The following ADAMTS12 variants were observed in gnomAD, a reference collection of about 807,000 sequenced individuals.
The protein encoded by ADAMTS12 is ADAM metallopeptidase with thrombospondin type 1 motif 12.
In ADAMTS12, 118 loss-of-function variants were observed where a neutral mutation model predicts 167.8. The observed-to-expected ratio is 0.70, with a 90% CI of 0.61 to 0.82. The LOEUF is 0.82. Ranked by LOEUF, ADAMTS12 falls within the 40% of genes least tolerant of loss-of-function variation. The probability of loss-of-function intolerance (pLI) is 0.00; values close to 1 mark genes in which losing one functional copy is unlikely to be tolerated. For synonymous variants in ADAMTS12, 704 were observed against 716.9 expected, an observed-to-expected ratio of 0.98 and a Z score of 0.29; for missense variants, 1,916 against 1,998.8, an observed-to-expected ratio of 0.96 and a Z score of 0.79.
At chr5:33,643,754 C>T (rs1215593463) in intron 9 of ADAMTS12, among the ~76,000 whole-genome samples, 1 of 152,202 alleles carries the variant, frequency 6.6e-6, no homozygotes, top group Non-Finnish European at 1.5e-5. Flanking sequence ...ATGTTTGGCA[C>T]AATATCCAGC....
intron 2 of ADAMTS12, among the ~76,000 whole-genome samples, chr5:33,818,798 T>C (rs1747762226): frequency 6.6e-6 from 1 of 152,146 alleles, no homozygotes; most frequent in Non-Finnish European, 1.5e-5. Context: ...TGAGGTGATA[T>C]CTCATAGTGA....
In ADAMTS12 at chr5:33,649,781, A is replaced by G. The variant is rs535073212; in HGVS notation, c.1191-84T>C. 10 of 1,540,048 alleles carry G rather than the reference A, an allele frequency of 6.5e-6. No homozygotes were observed. In the African/African-American group the frequency reaches 1.2e-4, roughly 19 times the overall value. The stretch of plus-strand genomic sequence containing the variant: ...AAACCATAGTTTCCCTAAGAGCGTA[A>G]TAACTCACAGACAGCCACGTTTGTA... On this transcript the variant is annotated intron_variant, in intron 7 of 23. Transcript: ENST00000504830.
chr5:33,623,976 T>C (rs1247744785), intron 14 of ADAMTS12, among the ~76,000 whole-genome samples: 1 of 152,230 alleles, frequency 6.6e-6, no homozygotes, highest in Non-Finnish European at 1.5e-5. Flanking sequence ...TACCTGTTCC[T>C]GTGCACAACC....
Position 33,743,653 on chromosome 5 carries a change from A to G in ADAMTS12, c.634+7751T>C, listed in dbSNP as rs1744678916. Among the ~76,000 whole-genome samples, 3 of 152,254 alleles carry G rather than the reference A, an allele frequency of 2.0e-5. No homozygotes were observed. The South Asian group carries it at 6.2e-4, about 32-fold the overall frequency. On this transcript the variant is annotated intron_variant, in intron 3 of 23. Coordinates refer to ENST00000504830, the MANE Select transcript of ADAMTS12 (RefSeq NM_030955.4). Reference sequence around the variant, plus strand: ...TGTGAGTGTGGGAGCTCGCTGAGTAAATGAAATCACTTGCTTTCTTTTTCT... The same window carrying G: ...TGTGAGTGTGGGAGCTCGCTGAGTAGATGAAATCACTTGCTTTCTTTTTCT...
chr5:33,729,787 T>C (rs1744114227), intron 3 of ADAMTS12, among the ~76,000 whole-genome samples: 1 of 152,116 alleles, frequency 6.6e-6, no homozygotes, highest in African/African-American at 2.4e-5. Flanking sequence ...CCAAAGTTTC[T>C]CTCTAAATAA....
chr5:33,560,757 C>T (rs2111887025), intron 20 of ADAMTS12, among the ~76,000 whole-genome samples: 2 of 114,198 alleles, frequency 1.8e-5, no homozygotes, highest in South Asian at 2.9e-4. Flanking sequence ...ACATCACACA[C>T]CGGGGCCTGT....
rs549074748 is a variant in ADAMTS12 at position 33,671,808 on chromosome 5, C to G, written c.916-9768G>C. Among the ~76,000 whole-genome samples the G allele has an allele frequency of 2.1e-5, 3 of 146,264 alleles. No individual in the cohort carries two copies. In the Admixed American group the frequency reaches 2.1e-4, roughly 10 times the overall value. ...CAACCATATATCTACCCACACACAT[C>G]CATATACTCACATACCCACACACCC... is the stretch of plus-strand genomic sequence containing the variant. On this transcript the variant is annotated intron_variant, in intron 5 of 23. Coordinates refer to ENST00000504830, the MANE Select transcript of ADAMTS12 (RefSeq NM_030955.4).
rs751446364 is a variant in ADAMTS12 at position 33,751,510 on chromosome 5, A to G, written c.528T>C (p.Ile176=). ...CCAGTGGATGCTTCTTCACGGGTTC[A>G]ATGAAAAAGTCTCCATGTGGTAGTT... ...FFQLPHGDFF[I]EPVKKHPLVE... The change falls in exon 3 of 24, where the codon ATT becomes ATC. Residue 176 remains isoleucine (I), a synonymous_variant. Coordinates refer to ENST00000504830, the MANE Select transcript of ADAMTS12 (RefSeq NM_030955.4). 1 of 1,614,152 alleles carries G rather than the reference A, an allele frequency of 6.2e-7. No individual in the cohort carries two copies. Among genetic ancestry groups the G allele is most frequent in the Non-Finnish European group, 8.5e-7 (1 of 1,180,012 alleles).
chr5:33,541,229 G>A (rs1313138465), intron 22 of ADAMTS12, among the ~76,000 whole-genome samples: 1 of 152,192 alleles, frequency 6.6e-6, no homozygotes, highest in African/African-American at 2.4e-5. Context: ...GGAAGAAAAA[G>A]TGTCAGTGAT....
intron 1 of ADAMTS12, among the ~76,000 whole-genome samples, chr5:33,890,626 CG>C (rs2111815596): frequency 6.6e-6 from 1 of 152,258 alleles, no homozygotes; most frequent in African/African-American, 2.4e-5. Flanking sequence ...GGACACTTCC[CG>C]AGGCTTCAGC....
rs1260436892 is a variant in ADAMTS12 at position 33,525,190 on chromosome 5, C to G, written c.*1998G>C. On this transcript the variant is annotated 3_prime_UTR_variant, in exon 24 of 24. Transcript: ENST00000504830. ...ATATCAGATTCTCCTCCACTCATGT[C>G]ACTAACAATTTAAGTGTCTCCTCTC... The G allele has an allele frequency of 1.3e-5, 2 of 152,234 alleles. No homozygotes were observed. Among genetic ancestry groups the G allele is most frequent in the African/African-American group, 4.8e-5 (2 of 41,462 alleles). The allele number at this position is 152,234 out of a possible 1,614,324, so 9.4% of individuals were successfully genotyped here. A position where few individuals can be genotyped will look rare whatever the true frequency, so the allele number is the denominator to read the frequency against.
At chr5:33,598,580 G>A (rs6893575) in intron 16 of ADAMTS12, among the ~76,000 whole-genome samples, 3,259 of 152,260 alleles carry the variant, frequency 0.021, 44 homozygotes, top group African/African-American at 0.05. Flanking sequence ...TAAAAGTGAT[G>A]CTCCATAAAA....
intron 20 of ADAMTS12, among the ~76,000 whole-genome samples, chr5:33,553,023 AAACAAAC>A (rs1745321302): frequency 6.6e-6 from 1 of 152,152 alleles, no homozygotes; most frequent in African/African-American, 2.4e-5. Flanking sequence ...AAAAAACAAA[AAACAAAC>A]AACCATATAA....
At chr5:33,648,230 A>G in intron 9 of ADAMTS12, among the ~76,000 whole-genome samples, 1 of 152,178 alleles carries the variant, frequency 6.6e-6, no homozygotes, top group East Asian at 1.9e-4. Flanking sequence ...TTGTGTTTTT[A>G]AAAAATAACT....
chr5:33,725,939 C>T (rs184551194), intron 3 of ADAMTS12, among the ~76,000 whole-genome samples: 149 of 152,248 alleles, frequency 9.8e-4, no homozygotes, highest in African/African-American at 3.4e-3. Context: ...CACTCTCGTG[C>T]GAGAATCAGA....
chr5:33,817,647 A>T (rs1747714722), intron 2 of ADAMTS12, among the ~76,000 whole-genome samples: 1 of 152,144 alleles, frequency 6.6e-6, no homozygotes, highest in Admixed American at 6.6e-5. Context: ...GGCAAATTCC[A>T]GACAGCAGAT....
In ADAMTS12 at chr5:33,683,041, G is replaced by C; in HGVS notation, c.892C>G (p.Leu298Val). Residue 298 changes from leucine to valine, a missense_variant, in exon 5 of 24, where the codon CTC (leucine) becomes GTC (valine). By Grantham distance (32) the Leu-to-Val change is conservative. Transcript: ENST00000504830. ...ACCTCTTCTTCTTCGAGTAGAATGA[G>C]CCGAACCACAACAATGTGAATTGCA... Reference protein sequence around the residue: ...GNAIHIVVVRLILLEEEEQGL... With the variant: ...GNAIHIVVVRVILLEEEEQGL... The C allele has an allele frequency of 6.2e-7, 1 of 1,613,300 alleles. No homozygotes were observed. The highest frequency in any genetic ancestry group is 8.5e-7 in the Non-Finnish European group (1 of 1,179,698).
intron 20 of ADAMTS12, among the ~76,000 whole-genome samples, chr5:33,554,988 C>T (rs1396226606): frequency 6.6e-6 from 1 of 152,144 alleles, no homozygotes; most frequent in Non-Finnish European, 1.5e-5. Context: ...AAAAATCTTT[C>T]TGATTCACTT....
chr5:33,699,113 C>A (rs1742895423), intron 3 of ADAMTS12, among the ~76,000 whole-genome samples: 1 of 152,112 alleles, frequency 6.6e-6, no homozygotes, highest in South Asian at 2.1e-4. Context: ...ACTGAGATCA[C>A]ACCATTGTAC....
Sources: allele counts gnomAD v4.1 joint callset (sites outside exome capture counted in the v4.1 genomes callset), GRCh38; gene constraint gnomAD v4.1.1; transcripts MANE v1.5; gene names NCBI Gene and HGNC (gene_info 2026-07-23, HGNC 2026-07-21).